The following UVRAG variants were observed in gnomAD, a reference collection of about 807,000 sequenced individuals.
The protein encoded by UVRAG is UV radiation resistance associated.
A neutral mutation model predicts 78.0 loss-of-function variants in UVRAG; 19 were observed. The ratio of observed to expected loss-of-function variants is 0.24; its 90% CI spans 0.17 to 0.36. The LOEUF (loss-of-function observed/expected upper bound fraction) is 0.36. Ranked by LOEUF, UVRAG falls within the 10% of genes least tolerant of loss-of-function variation. The pLI is 1.00. For synonymous variants in UVRAG, 323 were observed against 324.6 expected (o/e 1.00, Z 0.05); for missense variants, 740 against 853.8 (o/e 0.87, Z 1.66).
intron 12 of UVRAG, among the ~76,000 whole-genome samples, chr11:76,032,266 C>T (rs1591156179): frequency 6.6e-6 from 1 of 152,252 alleles, no homozygotes; most frequent in Admixed American, 6.5e-5. Flanking sequence ...AAATTTATGT[C>T]ACTCTTTAAT....
At chr11:76,098,194 G>A (rs1029894380) in intron 13 of UVRAG, among the ~76,000 whole-genome samples, 2 of 151,960 alleles carry the variant, frequency 1.3e-5, no homozygotes, top group African/African-American at 4.8e-5. Flanking sequence ...AGAAAAATAA[G>A]GTATAGCATT....
At chr11:75,946,456 T>C (rs908054225) in intron 6 of UVRAG, among the ~76,000 whole-genome samples, 1 of 152,196 alleles carries the variant, frequency 6.6e-6, no homozygotes, top group African/African-American at 2.4e-5. Context: ...TACCACAAAT[T>C]TAGTGGCTTA....
chr11:76,120,999 C>T (rs552849365), intron 14 of UVRAG, among the ~76,000 whole-genome samples: 23 of 152,284 alleles, frequency 1.5e-4, no homozygotes, highest in African/African-American at 5.5e-4. Flanking sequence ...AGGCAGATTG[C>T]TGTATGTTCT....
At chr11:75,912,361 A>T (rs796865094) in intron 6 of UVRAG, among the ~76,000 whole-genome samples, 6 of 152,346 alleles carry the variant, frequency 3.9e-5, no homozygotes, top group African/African-American at 1.2e-4. Flanking sequence ...GACTTATCAA[A>T]GTCTTAACAA....
chr11:75,878,163 C>T (rs1342629762), intron 3 of UVRAG, among the ~76,000 whole-genome samples: 1 of 151,032 alleles, frequency 6.6e-6, no homozygotes, highest in South Asian at 2.1e-4. Flanking sequence ...TGGGCAGAGA[C>T]GCTCCTCACC....
At chr11:76,086,794 A>G (rs904655904) in intron 13 of UVRAG, among the ~76,000 whole-genome samples, 1 of 152,236 alleles carries the variant, frequency 6.6e-6, no homozygotes, top group African/African-American at 2.4e-5. Flanking sequence ...AAGACTGTGT[A>G]TATATGGCAA....
chr11:76,087,210 G>A (rs762858452), intron 13 of UVRAG, among the ~76,000 whole-genome samples: 4 of 152,226 alleles, frequency 2.6e-5, no homozygotes, highest in Non-Finnish European at 5.9e-5. Context: ...ACATAGGAAT[G>A]CCAGTGAGAA....
intron 8 of UVRAG, 42 bp downstream of exon 8, chr11:75,983,555 A>G (rs1949436132): frequency 6.6e-7 from 1 of 1,508,430 alleles, no homozygotes; most frequent in Non-Finnish European, 8.9e-7. Flanking sequence ...CTCCACATTC[A>G]GTAGTTCTCC....
intron 2 of UVRAG, among the ~76,000 whole-genome samples, chr11:75,854,874 C>T (rs776443337): frequency 2.0e-5 from 3 of 152,180 alleles, no homozygotes; most frequent in Non-Finnish European, 4.4e-5. Flanking sequence ...TTGGTTATAT[C>T]ACTAGCAATG....
rs749118382 is a variant in UVRAG, at chr11:76,116,046, CTG to C, written c.1397+33_1397+34del. ...TACCTTTATCTCTGATAACCAGAAACTGTAATGTGGATAGGATCCTGAAAATC... is the reference window on the plus strand; with the variant it reads ...TACCTTTATCTCTGATAACCAGAAACTAATGTGGATAGGATCCTGAAAATC... On this transcript the variant is annotated intron_variant, in intron 14 of 14. Coordinates refer to ENST00000356136, the MANE Select transcript of UVRAG (RefSeq NM_003369.4). 30 of 1,592,780 alleles carry C rather than the reference CTG, an allele frequency of 1.9e-5. No individual in the cohort carries two copies. In the Admixed American group the frequency reaches 4.8e-4, roughly 26 times the overall value.
chr11:76,122,566 T>A (rs985533336), intron 14 of UVRAG, among the ~76,000 whole-genome samples: 1 of 152,232 alleles, frequency 6.6e-6, no homozygotes, highest in Non-Finnish European at 1.5e-5. Context: ...AGTAAATGAA[T>A]CGTAGTTACT....
intron 6 of UVRAG, among the ~76,000 whole-genome samples, chr11:75,955,266 G>A (rs761786728): frequency 2.0e-5 from 3 of 152,148 alleles, no homozygotes; most frequent in African/African-American, 4.8e-5. Flanking sequence ...TTCCTTAGGA[G>A]CCCTGAGGGA....
chr11:75,866,334 A>G (rs2134805436), intron 3 of UVRAG, among the ~76,000 whole-genome samples: 1 of 152,084 alleles, frequency 6.6e-6, no homozygotes, highest in Non-Finnish European at 1.5e-5. Flanking sequence ...AGCCTGGGCA[A>G]GATGACGAGA....
At position 76,144,022 on chromosome 11, in the gene UVRAG, T is replaced by A. The variant is rs1952766219; in HGVS notation, c.*2609T>A. ...TAACCACTTTAGAAATTCCAGAGAT[T>A]TTTTTCCCCTCAGAATATTAGTTTT... is the stretch of plus-strand genomic sequence containing the variant. On this transcript the variant is annotated 3_prime_UTR_variant, in exon 15 of 15. Coordinates refer to ENST00000356136, the MANE Select transcript of UVRAG (RefSeq NM_003369.4). Among the ~76,000 whole-genome samples the A allele has an allele frequency of 6.6e-6, 1 of 152,208 alleles. No individual in the cohort carries two copies. The highest frequency in any genetic ancestry group is 1.5e-5 in the Non-Finnish European group (1 of 68,038).
intron 6 of UVRAG, among the ~76,000 whole-genome samples, chr11:75,957,214 G>A (rs1262551502): frequency 1.3e-5 from 2 of 152,074 alleles, no homozygotes. Flanking sequence ...TATTTACTGT[G>A]ATCCTCTTTA....
intron 8 of UVRAG, among the ~76,000 whole-genome samples, chr11:76,002,421 C>T (rs1035255728): frequency 3.3e-5 from 5 of 152,060 alleles, no homozygotes; most frequent in Non-Finnish European, 5.9e-5. Context: ...ATAACACATT[C>T]TAGAGTCTTC....
intron 13 of UVRAG, among the ~76,000 whole-genome samples, chr11:76,090,120 G>A (rs1027966254): frequency 6.6e-6 from 1 of 152,134 alleles, no homozygotes; most frequent in East Asian, 1.9e-4. Context: ...CCATTTTTAT[G>A]TTTCAAATGC....
At position 76,055,309 on chromosome 11, in the gene UVRAG, A is replaced by C. The variant is rs11236607; in HGVS notation, c.1227-10401A>C. 5.3e-3 allele frequency among the ~76,000 whole-genome samples: 813 copies of C among 152,282 alleles called. 9 individuals are homozygous for C. The highest frequency in any genetic ancestry group is 0.019 in the African/African-American group (773 of 41,546). On this transcript the variant is annotated intron_variant, in intron 12 of 14. Coordinates refer to ENST00000356136, the MANE Select transcript of UVRAG (RefSeq NM_003369.4). ...AGGATCCACCTGCCTTGGTCCCCCAAAGTGCTGAGATTATAGGCATGAGCC... is the reference window on the plus strand; with the variant it reads ...AGGATCCACCTGCCTTGGTCCCCCACAGTGCTGAGATTATAGGCATGAGCC...
chr11:75,856,527 C>T (rs954423887), intron 2 of UVRAG, among the ~76,000 whole-genome samples: 20 of 152,132 alleles, frequency 1.3e-4, no homozygotes, highest in Non-Finnish European at 2.6e-4. Flanking sequence ...TCACTATAGC[C>T]TCAACCTTTT....
Sources: gnomAD v4.1 joint callset for allele counts (sites outside exome capture counted in the v4.1 genomes callset) on GRCh38, gnomAD v4.1.1 for gene constraint, MANE v1.5 for transcripts, NCBI Gene and HGNC (gene_info 2026-07-23, HGNC 2026-07-21) for gene names.